NKAIN3: variants seen among roughly 807,000 people sequenced by gnomAD.
NKAIN3 encodes the protein sodium/potassium transporting ATPase interacting 3.
Under a neutral mutation model 30.2 loss-of-function variants are expected in NKAIN3, and 25 were observed. The ratio of observed to expected loss-of-function variants is 0.83; its 90% CI spans 0.60 to 1.16. NKAIN3 has a LOEUF of 1.16. Ranked by LOEUF, NKAIN3 falls within the 50% of genes most tolerant of loss-of-function variation. NKAIN3 has a pLI of 0.00. For missense variants in NKAIN3, 225 were observed against 254.1 expected, an observed-to-expected ratio of 0.89 and a Z score of 0.78; for synonymous variants, 91 against 89.6, an observed-to-expected ratio of 1.02 and a Z score of -0.09.
chr8:62,636,183 T>C (rs143008917), intron 3 of NKAIN3, among the ~76,000 whole-genome samples: 1 of 152,310 alleles, frequency 6.6e-6, no homozygotes, highest in East Asian at 1.9e-4. Flanking sequence ...GAAGGCCAAG[T>C]TTCCAGCTCT....
chr8:62,302,873 G>C (rs958035689), intron 1 of NKAIN3, among the ~76,000 whole-genome samples: 2 of 150,806 alleles, frequency 1.3e-5, no homozygotes, highest in Non-Finnish European at 2.9e-5. Flanking sequence ...ATGCTCCCTG[G>C]GATTTCTTTA....
chr8:62,653,999 C>T (rs1023571717), intron 3 of NKAIN3, among the ~76,000 whole-genome samples: 1 of 151,878 alleles, frequency 6.6e-6, no homozygotes, highest in African/African-American at 2.4e-5. Flanking sequence ...ACAGAAAGCC[C>T]TTGAAATGAA....
chr8:62,404,075 G>T (rs1487379964), intron 1 of NKAIN3, among the ~76,000 whole-genome samples: 1 of 152,202 alleles, frequency 6.6e-6, no homozygotes, highest in East Asian at 1.9e-4. Flanking sequence ...TACTGTTTTG[G>T]ACTCACATGG....
chr8:62,249,406 G>A (rs1812014778), intron 1 of NKAIN3, among the ~76,000 whole-genome samples: 1 of 152,332 alleles, frequency 6.6e-6, no homozygotes, highest in East Asian at 1.9e-4. Context: ...ACGCGGTCCA[G>A]GGGCCAGGAG....
intron 1 of NKAIN3, among the ~76,000 whole-genome samples, chr8:62,465,781 G>C (rs1455452322): frequency 6.6e-6 from 1 of 152,178 alleles, no homozygotes; most frequent in African/African-American, 2.4e-5. Context: ...CTAGCACTTT[G>C]AGAGGCTGAG....
At chr8:62,621,985 A>T (rs1200645177) in intron 3 of NKAIN3, among the ~76,000 whole-genome samples, 1 of 152,088 alleles carries the variant, frequency 6.6e-6, no homozygotes, top group Non-Finnish European at 1.5e-5. Flanking sequence ...CCTGGAAACC[A>T]AAAATGTATC....
rs557463450 is a variant in NKAIN3, at chr8:62,249,399, C to G, written c.54+272C>G. ...CGCGCTCCCGCCGGGCGTCGCCACG[C>G]GGTCCAGGGGCCAGGAGCCGGCGGA... On this transcript the variant is annotated intron_variant, in intron 1 of 6. Coordinates refer to ENST00000623646, the MANE Select transcript of NKAIN3 (RefSeq NM_001304533.3). Among the ~76,000 whole-genome samples, 11 of 152,336 alleles carry G rather than the reference C, an allele frequency of 7.2e-5. No individual in the cohort carries two copies. The South Asian group carries it at 2.1e-3, about 29-fold the overall frequency.
intron 4 of NKAIN3, among the ~76,000 whole-genome samples, chr8:62,890,550 T>C (rs913987843): frequency 4.6e-5 from 7 of 152,238 alleles, no homozygotes; most frequent in Non-Finnish European, 8.8e-5. Flanking sequence ...TATTTTCCTC[T>C]GTGCTCCTTA....
At chr8:62,288,067 C>T (rs1813439227) in intron 1 of NKAIN3, among the ~76,000 whole-genome samples, 2 of 152,074 alleles carry the variant, frequency 1.3e-5, no homozygotes, top group African/African-American at 2.4e-5. Context: ...TCAATAAAAC[C>T]TCCTAACCCT....
intron 1 of NKAIN3, among the ~76,000 whole-genome samples, chr8:62,291,520 T>G (rs555199231): frequency 6.6e-6 from 1 of 152,216 alleles, no homozygotes; most frequent in Non-Finnish European, 1.5e-5. Flanking sequence ...AGGAGCAGGT[T>G]GTTCAGTTTC....
At chr8:62,702,307 T>G (rs6997907) in intron 3 of NKAIN3, among the ~76,000 whole-genome samples, 8,547 of 152,254 alleles carry the variant, frequency 0.056, 468 homozygotes, top group African/African-American at 0.14. Context: ...CAATATTTTT[T>G]GTATCATTCC....
At chr8:62,769,824 C>G (rs1816958858) in intron 4 of NKAIN3, among the ~76,000 whole-genome samples, 1 of 152,178 alleles carries the variant, frequency 6.6e-6, no homozygotes, top group Non-Finnish European at 1.5e-5. Context: ...GGAGATTCAA[C>G]AGTCCTCTCT....
At chr8:62,957,692 A>C (rs990298141) in intron 6 of NKAIN3, among the ~76,000 whole-genome samples, 2 of 152,198 alleles carry the variant, frequency 1.3e-5, no homozygotes, top group African/African-American at 4.8e-5. Context: ...GACAGTACAC[A>C]GATCAAGGGT....
At chr8:62,903,171 G>A (rs1821663419) in intron 4 of NKAIN3, among the ~76,000 whole-genome samples, 2 of 152,170 alleles carry the variant, frequency 1.3e-5, no homozygotes, top group South Asian at 2.1e-4. Flanking sequence ...TATGGTCATC[G>A]TGGAGAAAAC....
rs547807643 is a variant in NKAIN3 at position 62,660,086 on chromosome 8, C to G, written c.273+70292C>G. On this transcript the variant is annotated intron_variant, in intron 3 of 6. Coordinates refer to ENST00000623646, the MANE Select transcript of NKAIN3 (RefSeq NM_001304533.3). ...GTGAATGCCTCAGGGGGAGGTCTGCCTGCTTATCTGACCTAGAGCCACTCC... is the reference window on the plus strand; with the variant it reads ...GTGAATGCCTCAGGGGGAGGTCTGCGTGCTTATCTGACCTAGAGCCACTCC... Among the ~76,000 whole-genome samples, 5 of 152,198 alleles carry G rather than the reference C, an allele frequency of 3.3e-5. No homozygotes were observed. In the South Asian group the frequency reaches 1.0e-3, roughly 32 times the overall value.
intron 3 of NKAIN3, among the ~76,000 whole-genome samples, chr8:62,662,243 T>A (rs1404867975): frequency 6.6e-6 from 1 of 152,220 alleles, no homozygotes; most frequent in Non-Finnish European, 1.5e-5. Flanking sequence ...CTCACTGAGG[T>A]CTCTGCAAAA....
intron 1 of NKAIN3, among the ~76,000 whole-genome samples, chr8:62,440,238 T>G (rs1805284266): frequency 6.6e-6 from 1 of 152,146 alleles, no homozygotes; most frequent in African/African-American, 2.4e-5. Flanking sequence ...CAACCCAAAC[T>G]AAAGGTGCCC....
At chr8:62,887,210 C>T (rs1324722786) in intron 4 of NKAIN3, among the ~76,000 whole-genome samples, 1 of 152,060 alleles carries the variant, frequency 6.6e-6, no homozygotes, top group Admixed American at 6.6e-5. Context: ...TAATTCTTTT[C>T]TCCTCTGTAA....
At chr8:62,648,535 A>C (rs1234128867) in intron 3 of NKAIN3, among the ~76,000 whole-genome samples, 3 of 152,104 alleles carry the variant, frequency 2.0e-5, no homozygotes, top group Non-Finnish European at 4.4e-5. Context: ...TGAGGTAAGA[A>C]AGTCAAGAAA....
Sources: gnomAD v4.1 joint callset for allele counts (sites outside exome capture counted in the v4.1 genomes callset) on GRCh38, gnomAD v4.1.1 for gene constraint, MANE v1.5 for transcripts, NCBI Gene and HGNC (gene_info 2026-07-23, HGNC 2026-07-21) for gene names.